AHRR: variants seen among roughly 807,000 people sequenced by gnomAD.
The protein encoded by AHRR is aryl hydrocarbon receptor repressor.
A neutral mutation model predicts 44.0 loss-of-function variants in AHRR; 28 were observed. That is an observed-to-expected ratio of 0.64 (90% CI 0.47 to 0.87). AHRR has a LOEUF of 0.87. Among genes scored for constraint, AHRR ranks in the 40% least tolerant of loss-of-function variants. The probability of loss-of-function intolerance (pLI) is 0.00; values close to 1 mark genes in which losing one functional copy is unlikely to be tolerated. For synonymous variants in AHRR, 434 were observed against 407.0 expected (o/e 1.07, Z -0.80); for missense variants, 990 against 953.9 (o/e 1.04, Z -0.50).
At position 432,532 on chromosome 5, in the gene AHRR, G is replaced by A. The variant is rs377309291; in HGVS notation, c.970+8G>A. ...AACCCAATTACTCAGCAGGTACTTA[G>A]AACATTTCTTATCTGATCTTTTCCA... On this transcript the variant is annotated splice_region_variant and intron_variant, in intron 9 of 10. Transcript: ENST00000684583. 4 of 1,612,990 alleles carry A rather than the reference G, an allele frequency of 2.5e-6. No homozygotes were observed. The highest frequency in any genetic ancestry group is 3.4e-6 in the Non-Finnish European group (4 of 1,179,090).
At chr5:422,552 T>A in intron 5 of AHRR, 177 bp from the exon 6 acceptor site, 2 of 792,270 alleles carry the variant, frequency 2.5e-6, no homozygotes, top group East Asian at 2.7e-5. Flanking sequence ...CTTAGACATC[T>A]TCTCAGGAGG....
rs370826204 is a variant in AHRR, at chr5:430,302, CT to C, written c.909-2158del. On this transcript the variant is annotated intron_variant, in intron 8 of 10. Coordinates refer to ENST00000684583, the MANE Select transcript of AHRR (RefSeq NM_001377236.1). ...CCGGCACGCTGCCGTCCCTCCTGTTCTTTGGCGCCTTTGACGGGCAGCACAT... is the reference window on the plus strand; with the variant it reads ...CCGGCACGCTGCCGTCCCTCCTGTTCTTGGCGCCTTTGACGGGCAGCACAT... 6.9e-4 allele frequency among the ~76,000 whole-genome samples: 105 copies of C among 152,390 alleles called. 1 individual carries two copies. The highest frequency in any genetic ancestry group is 2.3e-3 in the African/African-American group (94 of 41,600).
rs1736265246 is a variant in AHRR, at chr5:424,080, A to G, written c.708+103A>G. On this transcript the variant is annotated intron_variant, in intron 7 of 10. Coordinates refer to ENST00000684583, the MANE Select transcript of AHRR (RefSeq NM_001377236.1). ...CAAGAGGGGGTGGGGGCGTTAAACC[A>G]CATGTCCCTGGTGGAGGGACGGGGG... 6 of 1,464,382 alleles carry G rather than the reference A, an allele frequency of 4.1e-6. No homozygotes were observed. The Admixed American group carries it at 1.2e-4, about 29-fold the overall frequency. The allele number at this position is 1,464,382 out of a possible 1,614,324, so 90.7% of individuals were successfully genotyped here. A position where few individuals can be genotyped will look rare whatever the true frequency, so the allele number is the denominator to read the frequency against.
chr5:337,714 G>A lies in AHRR; in HGVS notation c.-10-6179G>A, dbSNP rs1212127575. On this transcript the variant is annotated intron_variant, in intron 1 of 10. Transcript: ENST00000684583. The surrounding 1 kb of genome is among the most constrained non-coding windows in gnomAD (Gnocchi z 4.1). ...ACTCTGGATGGTGCTCCGGGGCTGC[G>A]GGAGGCCCCTAAGGAGTGCGCTTGG... 2.0e-5 allele frequency among the ~76,000 whole-genome samples: 3 copies of A among 152,150 alleles called. No individual in the cohort carries two copies. Among genetic ancestry groups the A allele is most frequent in the Non-Finnish European group, 4.4e-5 (3 of 68,008 alleles).
chr5:396,171 C>A (rs981057220), intron 4 of AHRR, among the ~76,000 whole-genome samples: 1 of 152,160 alleles, frequency 6.6e-6, no homozygotes, highest in Non-Finnish European at 1.5e-5. Flanking sequence ...GGGCCCCGGG[C>A]CTTGGGCCTG....
In AHRR at chr5:422,459, G is replaced by A. The variant is rs62331591; in HGVS notation, c.442-270G>A. 4.1e-3 allele frequency: 1,966 copies of A among 476,792 alleles called. 10 individuals are homozygous for A. Among genetic ancestry groups the A allele is most frequent in the Non-Finnish European group, 6.4e-3 (1,674 of 259,696 alleles). 29.5% of individuals were successfully genotyped at this position (476,792 alleles called of 1,614,324 possible). On this transcript the variant is annotated intron_variant, in intron 5 of 10. Coordinates refer to ENST00000684583, the MANE Select transcript of AHRR (RefSeq NM_001377236.1). ...AGTGTCTGCGGCCCAGAAGATGCCCGTCTCTTAGCCTCCCGCTTGCCCCGA... is the reference window on the plus strand; with the variant it reads ...AGTGTCTGCGGCCCAGAAGATGCCCATCTCTTAGCCTCCCGCTTGCCCCGA...
chr5:395,705 G>A lies in AHRR; in HGVS notation c.352-17639G>A, dbSNP rs1057317528. On this transcript the variant is annotated intron_variant, in intron 4 of 10. Transcript: ENST00000684583. This position sits in a 1 kb window ranked among gnomAD's most constrained non-coding sequence, Gnocchi z 5.3. Reference sequence around the variant, plus strand: ...CTGAGAAGTCCCCAGGAACCAAAGTGTCCAGCAGTTGAAATTTAACAAGTG... The same window carrying A: ...CTGAGAAGTCCCCAGGAACCAAAGTATCCAGCAGTTGAAATTTAACAAGTG... Among the ~76,000 whole-genome samples, 3 of 152,222 alleles carry A rather than the reference G, an allele frequency of 2.0e-5. No homozygotes were observed. Among genetic ancestry groups the A allele is most frequent in the African/African-American group, 7.2e-5 (3 of 41,470 alleles).
rs147030417 is a variant in AHRR at position 342,386 on chromosome 5, T to C, written c.-10-1507T>C. On this transcript the variant is annotated intron_variant, in intron 1 of 10. Transcript: ENST00000684583. This position sits in a 1 kb window ranked among gnomAD's most constrained non-coding sequence, Gnocchi z 4.3. The stretch of plus-strand genomic sequence containing the variant: ...AGGATTGTCAGATCTTCTTGGAAAA[T>C]TGACCTCTTTATTATTAAAGAATAT... 2.8e-3 allele frequency among the ~76,000 whole-genome samples: 425 copies of C among 152,340 alleles called. 5 individuals are homozygous for C. Among genetic ancestry groups the C allele is most frequent in the Admixed American group, 6.2e-3 (95 of 15,308 alleles).
chr5:391,328 C>G (rs59853177), intron 4 of AHRR, among the ~76,000 whole-genome samples: 4,767 of 120,902 alleles, frequency 0.039, 233 homozygotes, highest in African/African-American at 0.065. Flanking sequence ...CGTGCACGGG[C>G]GCAGGGCGAG....
At chr5:386,392 G>T (rs1210729000) in intron 4 of AHRR, among the ~76,000 whole-genome samples, 1 of 152,218 alleles carries the variant, frequency 6.6e-6, no homozygotes, top group Non-Finnish European at 1.5e-5. Flanking sequence ...GATTAAGCAG[G>T]TCTTGAGGTG....
intron 4 of AHRR, among the ~76,000 whole-genome samples, chr5:396,994 C>A (rs1237817241): frequency 6.6e-6 from 1 of 151,730 alleles, no homozygotes; most frequent in African/African-American, 2.4e-5. Flanking sequence ...CCATGTTAGC[C>A]CCTGACCATC....
chr5:323,160 A>G (rs1436444064), intron 1 of AHRR, among the ~76,000 whole-genome samples: 2 of 152,170 alleles, frequency 1.3e-5, no homozygotes, highest in Non-Finnish European at 2.9e-5. Context: ...CTGTCCCCCA[A>G]TTACCTATGA....
chr5:360,647 T>C (rs886293958), intron 3 of AHRR, among the ~76,000 whole-genome samples: 25 of 152,160 alleles, frequency 1.6e-4, no homozygotes, highest in Non-Finnish European at 3.1e-4. Flanking sequence ...AGAACACTGA[T>C]AGAAATGTGA....
In AHRR at chr5:369,120, G is replaced by A. The variant is rs944777174; in HGVS notation, c.245-7490G>A. 3.3e-5 allele frequency among the ~76,000 whole-genome samples: 5 copies of A among 152,230 alleles called. No homozygotes were observed. In the East Asian group the frequency reaches 5.8e-4, roughly 18 times the overall value. The stretch of plus-strand genomic sequence containing the variant: ...AACTAAGGGTTTTGGAAGCACACTC[G>A]CCCATCCAGCACCCACTTGCTGGGA... On this transcript the variant is annotated intron_variant, in intron 3 of 10. Coordinates refer to ENST00000684583, the MANE Select transcript of AHRR (RefSeq NM_001377236.1).
intron 3 of AHRR, among the ~76,000 whole-genome samples, chr5:363,882 C>T (rs548474801): frequency 6.6e-6 from 1 of 152,306 alleles, no homozygotes; most frequent in South Asian, 2.1e-4. Flanking sequence ...CCTAGATCAC[C>T]CAGAATTTCA....
In AHRR at chr5:370,395, C is replaced by A. The variant is rs1016794548; in HGVS notation, c.245-6215C>A. The stretch of plus-strand genomic sequence containing the variant: ...GGAAGGGTTGGATGGGCGTCCCAGG[C>A]TTCTCAGAGCATCCCATCCAACTCC... On this transcript the variant is annotated intron_variant, in intron 3 of 10. Transcript: ENST00000684583. This position sits in a 1 kb window ranked among gnomAD's most constrained non-coding sequence, Gnocchi z 4.5. 2.0e-5 allele frequency among the ~76,000 whole-genome samples: 3 copies of A among 152,210 alleles called. No homozygotes were observed. Among genetic ancestry groups the A allele is most frequent in the Non-Finnish European group, 4.4e-5 (3 of 68,034 alleles).
intron 4 of AHRR, among the ~76,000 whole-genome samples, chr5:390,506 C>T (rs73730803): frequency 0.18 from 26,862 of 152,118 alleles, 2,898 homozygotes; most frequent in African/African-American, 0.29. Flanking sequence ...AAAGCCCTAA[C>T]GATCCCGGAG....
chr5:341,697 T>C (rs1742356297), intron 1 of AHRR, among the ~76,000 whole-genome samples: 1 of 152,130 alleles, frequency 6.6e-6, no homozygotes, highest in Admixed American at 6.5e-5. Context: ...AATTTTTCTT[T>C]ATTTTTATGT....
At position 386,605 on chromosome 5, in the gene AHRR, C is replaced by A. The variant is rs115436520; in HGVS notation, c.351+9889C>A. On this transcript the variant is annotated intron_variant, in intron 4 of 10. Coordinates refer to ENST00000684583, the MANE Select transcript of AHRR (RefSeq NM_001377236.1). ...AGCAGCAAGATGGTTCCCCCTAGGC[C>A]TGCAGATTCTGGAGCACAGCCATGG... is the stretch of plus-strand genomic sequence containing the variant. Among the ~76,000 whole-genome samples, 472 of 152,372 alleles carry A rather than the reference C, an allele frequency of 3.1e-3. 3 individuals carry two copies. Among genetic ancestry groups the A allele is most frequent in the African/African-American group, 0.011 (451 of 41,594 alleles).
Sources: gnomAD v4.1 joint callset for allele counts (sites outside exome capture counted in the v4.1 genomes callset) on GRCh38, gnomAD v4.1.1 for gene constraint, Gnocchi (gnomAD v3.1) non-coding constraint, MANE v1.5 for transcripts, NCBI Gene and HGNC (gene_info 2026-07-23, HGNC 2026-07-21) for gene names.